The following RARB variants were observed in gnomAD, a reference collection of about 807,000 sequenced individuals.
RARB encodes retinoic acid receptor beta.
A neutral mutation model predicts 51.9 loss-of-function variants in RARB; 17 were observed. The ratio of observed to expected loss-of-function variants is 0.33; its 90% CI spans 0.22 to 0.49. The LOEUF is 0.49. Ranked by LOEUF, RARB falls within the 20% of genes least tolerant of loss-of-function variation. The pLI is 0.99. For missense variants in RARB, 369 were observed against 550.8 expected (o/e 0.67, Z 3.30); for synonymous variants, 215 against 195.4 (o/e 1.10, Z -0.84).
intron 5 of RARB, among the ~76,000 whole-genome samples, chr3:25,200,072 AG>A (rs1701351353): frequency 6.6e-6 from 1 of 152,184 alleles, no homozygotes; most frequent in Non-Finnish European, 1.5e-5. Context: ...GCAGTGTAAA[AG>A]TATTCCTATT....
intron 3 of RARB, among the ~76,000 whole-genome samples, chr3:25,553,297 G>A (rs891444993): frequency 6.6e-6 from 1 of 152,198 alleles, no homozygotes. Flanking sequence ...TGCCACTGGC[G>A]CCCAGGCATA....
intron 3 of RARB, among the ~76,000 whole-genome samples, chr3:25,511,424 C>T (rs1697890191): frequency 2.0e-5 from 3 of 152,186 alleles, no homozygotes; most frequent in African/African-American, 4.8e-5. Flanking sequence ...AGCCACAGTG[C>T]CCAGCCAACC....
chr3:25,232,799 A>G (rs1553646577), intron 5 of RARB, among the ~76,000 whole-genome samples: 1 of 152,080 alleles, frequency 6.6e-6, no homozygotes, highest in Non-Finnish European at 1.5e-5. Flanking sequence ...CACTTTCAGT[A>G]TGGTATTCAA....
intron 5 of RARB, among the ~76,000 whole-genome samples, chr3:25,328,214 G>T (rs1704782119): frequency 6.6e-6 from 1 of 152,232 alleles, no homozygotes; most frequent in Non-Finnish European, 1.5e-5. Flanking sequence ...ATAAACGGAT[G>T]AGCGATTTAA....
rs558771650 is a variant in RARB, at chr3:25,322,440, G to A, written c.179-138753G>A. Among the ~76,000 whole-genome samples, 3 of 152,214 alleles carry A rather than the reference G, an allele frequency of 2.0e-5. No homozygotes were observed. The South Asian group carries it at 6.2e-4, about 32-fold the overall frequency. ...ATATTGACTTGACCACAAAACAAAA[G>A]TAAGTTCTGATTTTCTTACTGGCCA... On this transcript the variant is annotated intron_variant, in intron 5 of 11. Transcript: ENST00000383772.
At chr3:24,862,321 A>AT (rs1702767877) in intron 2 of RARB, among the ~76,000 whole-genome samples, 1 of 152,126 alleles carries the variant, frequency 6.6e-6, no homozygotes, top group Non-Finnish European at 1.5e-5. Flanking sequence ...GAATTATATG[A>AT]TTTTTCATCT....
chr3:25,545,234 C>A (rs529869989), intron 3 of RARB, among the ~76,000 whole-genome samples: 1 of 152,296 alleles, frequency 6.6e-6, no homozygotes, highest in African/African-American at 2.4e-5. Flanking sequence ...CATGAGCCAC[C>A]ATTCCTGGCC....
chr3:25,476,450 C>T (rs539137549), intron 2 of RARB, among the ~76,000 whole-genome samples: 13 of 152,198 alleles, frequency 8.5e-5, no homozygotes, highest in Admixed American at 5.2e-4. Context: ...GCTGTGCCTT[C>T]TATTTTTACA....
At chr3:25,570,053 T>C in intron 4 of RARB, 135 bp downstream of exon 4, 2 of 1,167,248 alleles carry the variant, frequency 1.7e-6, no homozygotes, top group Non-Finnish European at 2.4e-6. Context: ...GCTTGCATGC[T>C]AGCCAGCTGG....
At chr3:25,019,829 G>T (rs1285659475) in intron 2 of RARB, among the ~76,000 whole-genome samples, 1 of 152,146 alleles carries the variant, frequency 6.6e-6, no homozygotes, top group South Asian at 2.1e-4. Context: ...CTGAGCTTCA[G>T]CTGGCTCTGA....
intron 5 of RARB, among the ~76,000 whole-genome samples, chr3:25,385,810 G>T (rs572868170): frequency 1.6e-4 from 24 of 152,184 alleles, no homozygotes; most frequent in African/African-American, 5.5e-4. Context: ...TCTCTATCTT[G>T]TATCTTTCCT....
At chr3:25,102,609 T>C (rs1036669362) in intron 3 of RARB, among the ~76,000 whole-genome samples, 2 of 151,974 alleles carry the variant, frequency 1.3e-5, no homozygotes, top group African/African-American at 2.4e-5. Context: ...TGAATATATA[T>C]ATTTTTGAAT....
chr3:24,837,591 T>C (rs1575029791), intron 1 of RARB, among the ~76,000 whole-genome samples: 2 of 152,246 alleles, frequency 1.3e-5, no homozygotes, highest in East Asian at 1.9e-4. Flanking sequence ...ACATTTAAAT[T>C]GAAGAGGTTC....
intron 3 of RARB, among the ~76,000 whole-genome samples, chr3:25,088,392 G>T (rs532181545): frequency 5.3e-5 from 8 of 152,246 alleles, no homozygotes; most frequent in African/African-American, 1.9e-4. Context: ...GCCCTTGTTT[G>T]CTTGCCACGC....
chr3:24,921,631 C>G (rs570773980), intron 2 of RARB, among the ~76,000 whole-genome samples: 67 of 152,122 alleles, frequency 4.4e-4, no homozygotes, highest in Non-Finnish European at 7.6e-4. Context: ...AGGAGGTCCC[C>G]CCCATCTCCT....
At chr3:25,162,216 C>T (rs1337276082) in intron 4 of RARB, among the ~76,000 whole-genome samples, 2 of 152,092 alleles carry the variant, frequency 1.3e-5, no homozygotes, top group African/African-American at 4.8e-5. Flanking sequence ...CAATCTTCCC[C>T]CATCAACCTC....
At chr3:25,170,788 A>G (rs1224508507) in intron 4 of RARB, among the ~76,000 whole-genome samples, 1 of 152,158 alleles carries the variant, frequency 6.6e-6, no homozygotes, top group East Asian at 1.9e-4. Flanking sequence ...AATTATATAC[A>G]TATGTGTGGA....
chr3:24,979,410 TC>T (rs1441840590), intron 2 of RARB, among the ~76,000 whole-genome samples: 1 of 152,154 alleles, frequency 6.6e-6, no homozygotes, highest in African/African-American at 2.4e-5. Context: ...GCTTTATGAA[TC>T]CGGATGCTCT....
chr3:25,019,046 G>A (rs1471516229), intron 2 of RARB, among the ~76,000 whole-genome samples: 6 of 152,172 alleles, frequency 3.9e-5, no homozygotes, highest in African/African-American at 1.4e-4. Context: ...AGCAGAACTT[G>A]TTCAAATATT....
Sources: gnomAD v4.1 joint callset for allele counts (sites outside exome capture counted in the v4.1 genomes callset) on GRCh38, gnomAD v4.1.1 for gene constraint, MANE v1.5 for transcripts, NCBI Gene and HGNC (gene_info 2026-07-23, HGNC 2026-07-21) for gene names.